Variants in MACROH2A1 observed in about 807,000 individuals in gnomAD.
MACROH2A1 encodes the protein macroH2A.1 histone.
In MACROH2A1, 2 loss-of-function variants were observed where a neutral mutation model predicts 31.6. The observed-to-expected ratio is 0.06, with a 90% CI of 0.03 to 0.20. The LOEUF is 0.20. Among genes scored for constraint, MACROH2A1 ranks in the 10% least tolerant of loss-of-function variants. The pLI, the probability that MACROH2A1 is intolerant of heterozygous loss-of-function variation, is 1.00. For missense variants in MACROH2A1, 230 were observed against 474.0 expected, an observed-to-expected ratio of 0.49 and a Z score of 4.78; for synonymous variants, 169 against 189.6, an observed-to-expected ratio of 0.89 and a Z score of 0.89.
In MACROH2A1 at chr5:135,389,139, G is replaced by A. The variant is rs778227170; in HGVS notation, c.-33-13C>T. On this transcript the variant is annotated splice_polypyrimidine_tract_variant and intron_variant, in intron 1 of 8. Transcript: ENST00000511689. ...ATCAGTGAGCACACTGTGAAGGCGA[G>A]AGGCACACCGGTCAGGGTGGCTGGG... 13 of 1,580,694 alleles carry A rather than the reference G, an allele frequency of 8.2e-6. No individual in the cohort carries two copies. Among genetic ancestry groups the A allele is most frequent in the Non-Finnish European group, 1.1e-5 (13 of 1,156,536 alleles).
In MACROH2A1 at chr5:135,369,226, T is replaced by C; in HGVS notation, c.477+180A>G. The stretch of plus-strand genomic sequence containing the variant: ...GGGTCCAGACTCTGGGAGGGCCTCC[T>C]GACTCTGGCTACTTGTGTTGGACTA... On this transcript the variant is annotated intron_variant, in intron 4 of 8. Transcript: ENST00000511689. The surrounding 1 kb of genome is among the most constrained non-coding windows in gnomAD (Gnocchi z 4.3). 1.5e-6 allele frequency: 1 copy of C among 677,202 alleles called. No homozygotes were observed. Among genetic ancestry groups the C allele is most frequent in the Non-Finnish European group, 2.6e-6 (1 of 380,774 alleles). 41.9% of individuals were successfully genotyped at this position (677,202 alleles called of 1,614,324 possible).
At chr5:135,339,004 T>G (rs1581116630) in intron 8 of MACROH2A1, among the ~76,000 whole-genome samples, 1 of 152,196 alleles carries the variant, frequency 6.6e-6, no homozygotes, top group Non-Finnish European at 1.5e-5. Flanking sequence ...CAGCCCCACC[T>G]GGGAGATGCG....
chr5:135,338,053 G>A lies in MACROH2A1; in HGVS notation c.954-2912C>T, dbSNP rs1004814107. 7 of 1,100,612 alleles carry A rather than the reference G, an allele frequency of 6.4e-6. No individual in the cohort carries two copies. In the African/African-American group the frequency reaches 1.2e-4, roughly 18 times the overall value. 68.2% of individuals were successfully genotyped at this position (1,100,612 alleles called of 1,614,324 possible). A position where few individuals can be genotyped will look rare whatever the true frequency, so the allele number is the denominator to read the frequency against. On this transcript the variant is annotated intron_variant, in intron 8 of 8. Transcript: ENST00000511689. ...AACGTTTTCTGGTGGGCCTCAAAAT[G>A]TCTTGCTGCCAGTTAGAATGCTTGT...
At chr5:135,352,797 T>C (rs1761737098) in intron 6 of MACROH2A1, 149 bp downstream of exon 6, 1 of 624,594 alleles carries the variant, frequency 1.6e-6, no homozygotes, top group Admixed American at 2.6e-5. Context: ...TGGAGTAAGT[T>C]GATATTCAGC....
chr5:135,382,536 AT>A (rs1765790270), intron 2 of MACROH2A1, among the ~76,000 whole-genome samples: 1 of 152,252 alleles, frequency 6.6e-6, no homozygotes, highest in Admixed American at 6.5e-5. Flanking sequence ...ATGCAAACCC[AT>A]AAAAATCCTA....
chr5:135,343,225 C>T (rs1469394596), intron 8 of MACROH2A1, 35 bp downstream of exon 8: 5 of 1,611,998 alleles, frequency 3.1e-6, no homozygotes, highest in Non-Finnish European at 2.5e-6. Flanking sequence ...GAGAGACACA[C>T]CCATGACCGA....
At chr5:135,385,785 T>C (rs554763968) in intron 2 of MACROH2A1, among the ~76,000 whole-genome samples, 2 of 152,318 alleles carry the variant, frequency 1.3e-5, no homozygotes, top group East Asian at 3.9e-4. Context: ...CCAAGCAGCC[T>C]GGGCCCTCGT....
At chr5:135,362,416 A>G (rs577334038) in intron 4 of MACROH2A1, 1 of 152,370 alleles carries the variant, frequency 6.6e-6, no homozygotes, top group East Asian at 1.9e-4. Flanking sequence ...ATGAGATTAC[A>G]CTATGTATTG....
chr5:135,390,265 T>C (rs1040788485), intron 1 of MACROH2A1, among the ~76,000 whole-genome samples: 8 of 152,230 alleles, frequency 5.3e-5, no homozygotes, highest in Non-Finnish European at 1.5e-5. Flanking sequence ...CCCCATGTGC[T>C]GCACACCACA....
intron 4 of MACROH2A1, among the ~76,000 whole-genome samples, chr5:135,364,596 G>A (rs1349187875): frequency 2.0e-5 from 3 of 152,234 alleles, no homozygotes; most frequent in East Asian, 1.9e-4. Context: ...TTGGACACTC[G>A]CCCAGCTTTG....
intron 5 of MACROH2A1, chr5:135,360,267 T>G (rs1299388356): frequency 1.4e-5 from 8 of 569,106 alleles, no homozygotes; most frequent in Non-Finnish European, 2.5e-5. Context: ...GCCTGCCCTC[T>G]TCTTTTTTAC....
chr5:135,355,067 T>C (rs1453027537), intron 5 of MACROH2A1: 2 of 455,972 alleles, frequency 4.4e-6, no homozygotes, highest in Non-Finnish European at 8.8e-6. Context: ...GGTGTTATAT[T>C]CAGAAATGTT....
At chr5:135,339,079 C>T (rs1759321889) in intron 8 of MACROH2A1, among the ~76,000 whole-genome samples, 1 of 152,190 alleles carries the variant, frequency 6.6e-6, no homozygotes, top group Non-Finnish European at 1.5e-5. Flanking sequence ...GTGTTTATGG[C>T]ATGTTCCTTA....
Position 135,369,900 on chromosome 5 carries a change from G to T in MACROH2A1, c.279+136C>A. Reference sequence around the variant, plus strand: ...CCTTGGGGAAAAACTGCCATGGGAGGCAGAGAAGCTGCTAATTAATCCAAA... The same window carrying T: ...CCTTGGGGAAAAACTGCCATGGGAGTCAGAGAAGCTGCTAATTAATCCAAA... On this transcript the variant is annotated intron_variant, in intron 3 of 8. Coordinates refer to ENST00000511689, the MANE Select transcript of MACROH2A1 (RefSeq NM_138610.3). This position sits in a 1 kb window ranked among gnomAD's most constrained non-coding sequence, Gnocchi z 4.3. The T allele has an allele frequency of 1.6e-6, 1 of 638,832 alleles. No homozygotes were observed. The highest frequency in any genetic ancestry group is 2.7e-6 in the Non-Finnish European group (1 of 364,104). The allele number at this position is 638,832 out of a possible 1,614,324, so 39.6% of individuals were successfully genotyped here.
rs563037131 is a variant in MACROH2A1, at chr5:135,364,022, A to AT, written c.478-3416dup. 7.9e-3 allele frequency among the ~76,000 whole-genome samples: 1,208 copies of AT among 152,094 alleles called. 19 individuals carry two copies. Among genetic ancestry groups the AT allele is most frequent in the African/African-American group, 0.028 (1,156 of 41,468 alleles). On this transcript the variant is annotated intron_variant, in intron 4 of 8. Transcript: ENST00000511689. ...CTTTGCCCACTTTTTGATGGGGTTG[A>AT]TTTTTTCTTGTAAATTTAAGTTCTT...
At chr5:135,358,707 G>A (rs1453930999) in intron 5 of MACROH2A1, 2 of 930,706 alleles carry the variant, frequency 2.1e-6, no homozygotes, top group Non-Finnish European at 2.6e-6. Flanking sequence ...TAAATGATAT[G>A]TTTGTAATTT....
At chr5:135,372,586 G>A (rs180917070) in intron 2 of MACROH2A1, among the ~76,000 whole-genome samples, 22 of 152,346 alleles carry the variant, frequency 1.4e-4, no homozygotes, top group African/African-American at 5.3e-4. Flanking sequence ...TGGGCCCTGG[G>A]TACTGTGAAT....
intron 5 of MACROH2A1, chr5:135,358,856 G>C (rs1049526495): frequency 3.0e-6 from 3 of 984,826 alleles, no homozygotes; most frequent in Middle Eastern, 5.2e-4. Context: ...CCTGAGACCA[G>C]ATGTATCTGA....
intron 4 of MACROH2A1, among the ~76,000 whole-genome samples, chr5:135,364,266 G>A (rs1355096830): frequency 1.3e-5 from 2 of 152,120 alleles, no homozygotes; most frequent in Non-Finnish European, 2.9e-5. Flanking sequence ...GGGAAGGATA[G>A]CATTAGGAGA....
Sources: gnomAD v4.1 joint callset for allele counts (sites outside exome capture counted in the v4.1 genomes callset) on GRCh38, gnomAD v4.1.1 for gene constraint, Gnocchi (gnomAD v3.1) non-coding constraint, MANE v1.5 for transcripts, NCBI Gene and HGNC (gene_info 2026-07-23, HGNC 2026-07-21) for gene names.